GOLM1: variants seen among roughly 807,000 people sequenced by gnomAD.
GOLM1 encodes the protein epididymis luminal protein 46.
In GOLM1, 31 loss-of-function variants were observed where a neutral mutation model predicts 50.5. The ratio of observed to expected loss-of-function variants is 0.61; its 90% CI spans 0.46 to 0.83. The LOEUF (loss-of-function observed/expected upper bound fraction) is 0.83. Among genes scored for constraint, GOLM1 ranks in the 40% least tolerant of loss-of-function variants. The pLI, the probability that GOLM1 is intolerant of heterozygous loss-of-function variation, is 0.00. For missense variants in GOLM1, 491 were observed against 501.3 expected, an observed-to-expected ratio of 0.98 and a Z score of 0.20; for synonymous variants, 178 against 192.8, an observed-to-expected ratio of 0.92 and a Z score of 0.64.
At chr9:86,054,741 C>T (rs1833936988) in intron 3 of GOLM1, among the ~76,000 whole-genome samples, 2 of 152,148 alleles carry the variant, frequency 1.3e-5, no homozygotes, top group Admixed American at 1.3e-4. Context: ...ACGTAGTAGG[C>T]TGTACCTAAT....
chr9:86,033,467 G>A (rs1833043527), intron 8 of GOLM1, 72 bp from the exon 9 acceptor site: 4 of 914,256 alleles, frequency 4.4e-6, no homozygotes, highest in Middle Eastern at 2.1e-4. Context: ...CAGAGCACAA[G>A]TGCTGGGGGT....
chr9:86,037,866 CT>C (rs1449628625), intron 6 of GOLM1, among the ~76,000 whole-genome samples: 8 of 152,038 alleles, frequency 5.3e-5, no homozygotes, highest in Non-Finnish European at 4.4e-5. Context: ...AGTTAAAAAC[CT>C]GCCCCAGCCA....
intron 6 of GOLM1, chr9:86,036,786 C>A (rs939446286): frequency 2.4e-6 from 1 of 417,450 alleles, no homozygotes; most frequent in African/African-American, 2.0e-5. Context: ...TAATAAAATA[C>A]CTAGGCGGAA....
intron 3 of GOLM1, among the ~76,000 whole-genome samples, chr9:86,073,944 C>G (rs559182381): frequency 6.6e-6 from 1 of 152,244 alleles, no homozygotes; most frequent in Non-Finnish European, 1.5e-5. Flanking sequence ...TCATTATGAA[C>G]AGGTGTTTGT....
In GOLM1 at chr9:86,035,889, A is replaced by AAAAAAAC. The variant is rs1564340978; in HGVS notation, c.758-265_758-264insGTTTTTT. On this transcript the variant is annotated intron_variant, in intron 7 of 9. Transcript: ENST00000388712. ...ACCAAAAAAAAAAACAAAACAAAAA[A>AAAAAAAC]AAAAAAACACCTGGACTAAATTACC... Among the ~76,000 whole-genome samples the AAAAAAAC allele has an allele frequency of 6.0e-5, 9 of 150,384 alleles. No individual in the cohort carries two copies. In the East Asian group the frequency reaches 9.9e-4, roughly 17 times the overall value.
chr9:86,028,176 T>C (rs1832845816), intron 9 of GOLM1, among the ~76,000 whole-genome samples: 1 of 152,188 alleles, frequency 6.6e-6, no homozygotes, highest in Admixed American at 6.5e-5. Context: ...ACTCCTGTCT[T>C]CTTGCCCAAA....
chr9:86,059,300 C>G (rs542915341), intron 3 of GOLM1, among the ~76,000 whole-genome samples: 1 of 152,136 alleles, frequency 6.6e-6, no homozygotes, highest in African/African-American at 2.4e-5. Flanking sequence ...TCCAAATGTC[C>G]GTCAACAGGC....
intron 3 of GOLM1, among the ~76,000 whole-genome samples, chr9:86,060,750 T>C (rs1010203585): frequency 2.0e-5 from 3 of 151,324 alleles, no homozygotes; most frequent in Non-Finnish European, 4.4e-5. Flanking sequence ...TGGTGGTGCA[T>C]GCCTGTAATC....
At chr9:86,059,353 C>T (rs1174867484) in intron 3 of GOLM1, among the ~76,000 whole-genome samples, 1 of 152,200 alleles carries the variant, frequency 6.6e-6, no homozygotes, top group East Asian at 1.9e-4. Flanking sequence ...AAGGGACTAT[C>T]GTTCAGCCAT....
intron 1 of GOLM1, among the ~76,000 whole-genome samples, chr9:86,080,977 T>C (rs1834764042): frequency 6.6e-6 from 1 of 152,122 alleles, no homozygotes; most frequent in South Asian, 2.1e-4. Flanking sequence ...CTCAAACTCT[T>C]GGGCTCAAAT....
chr9:86,031,552 C>T (rs1832985233), intron 9 of GOLM1, among the ~76,000 whole-genome samples: 3 of 148,310 alleles, frequency 2.0e-5, no homozygotes, highest in African/African-American at 7.4e-5. Context: ...ACCTCTGCCT[C>T]CCGAGTTCAC....
chr9:86,033,798 AC>A (rs1833053496), intron 8 of GOLM1, among the ~76,000 whole-genome samples: 1 of 152,156 alleles, frequency 6.6e-6, no homozygotes, highest in African/African-American at 2.4e-5. Context: ...ACTGTGAGAC[AC>A]GTGAGAAGGT....
At chr9:86,094,650 G>A (rs1010754741) in intron 1 of GOLM1, among the ~76,000 whole-genome samples, 4 of 152,164 alleles carry the variant, frequency 2.6e-5, no homozygotes, top group African/African-American at 9.7e-5. Context: ...ATATCCTGGG[G>A]CCAGCACGAT....
chr9:86,059,553 G>A (rs1190418082), intron 3 of GOLM1, among the ~76,000 whole-genome samples: 2 of 152,148 alleles, frequency 1.3e-5, no homozygotes, highest in Non-Finnish European at 2.9e-5. Context: ...GGGGAAGAGG[G>A]AAATGGGGAG....
intron 3 of GOLM1, among the ~76,000 whole-genome samples, chr9:86,076,834 G>C (rs1236395071): frequency 1.3e-5 from 2 of 151,444 alleles, no homozygotes; most frequent in Non-Finnish European, 2.9e-5. Context: ...CTCCAGCCTG[G>C]GCGACAGAGC....
intron 5 of GOLM1, among the ~76,000 whole-genome samples, chr9:86,041,114 T>C (rs967327019): frequency 1.3e-5 from 2 of 152,198 alleles, no homozygotes; most frequent in African/African-American, 4.8e-5. Flanking sequence ...GAAAATTTTT[T>C]TTTAACATAC....
intron 1 of GOLM1, among the ~76,000 whole-genome samples, chr9:86,092,429 T>C (rs1448578465): frequency 1.3e-5 from 2 of 152,206 alleles, no homozygotes; most frequent in African/African-American, 4.8e-5. Flanking sequence ...GGGGCTGACC[T>C]ACAGTTGCCA....
intron 1 of GOLM1, among the ~76,000 whole-genome samples, chr9:86,091,969 C>T (rs1835198745): frequency 1.3e-5 from 2 of 152,144 alleles, no homozygotes; most frequent in Admixed American, 6.5e-5. Flanking sequence ...GACTGGAATC[C>T]CATTGCCATA....
At chr9:86,088,457 T>TATATATATATATATATA (rs1835058531) in intron 1 of GOLM1, among the ~76,000 whole-genome samples, 1 of 134,908 alleles carries the variant, frequency 7.4e-6, no homozygotes, top group African/African-American at 2.7e-5. Flanking sequence ...TATATATATA[T>TATATATATATATATATA]TTAGGATAGA....
Sources: allele counts gnomAD v4.1 joint callset (sites outside exome capture counted in the v4.1 genomes callset), GRCh38; gene constraint gnomAD v4.1.1; transcripts MANE v1.5; gene names NCBI Gene and HGNC (gene_info 2026-07-23, HGNC 2026-07-21).